The following CFAP57 variants were observed in gnomAD, a reference collection of about 807,000 sequenced individuals.
The protein encoded by CFAP57 is cilia and flagella associated protein 57.
Under a neutral mutation model 146.8 loss-of-function variants are expected in CFAP57, and 116 were observed. The observed-to-expected ratio is 0.79, with a 90% CI of 0.68 to 0.92. The LOEUF (loss-of-function observed/expected upper bound fraction) is 0.92, where lower values mean the gene tolerates loss of function less well. Among genes scored for constraint, CFAP57 ranks in the 40% least tolerant of loss-of-function variants. The pLI is 0.00. For synonymous variants in CFAP57, 518 were observed against 552.8 expected (o/e 0.94, Z 0.88); for missense variants, 1,377 against 1,527.2 (o/e 0.90, Z 1.64).
At position 43,224,128 on chromosome 1, in the gene CFAP57, T is replaced by G. The variant is rs1645153021; in HGVS notation, c.2789T>G (p.Val930Gly). The G allele has an allele frequency of 1.2e-5, 18 of 1,548,996 alleles. No individual in the cohort carries two copies. Among genetic ancestry groups the G allele is most frequent in the Non-Finnish European group, 1.6e-5 (18 of 1,146,396 alleles). The change falls in exon 17 of 23, where the codon GTC becomes GGC. Residue 930 changes from valine to glycine, a missense_variant. Transcript: ENST00000372492. The stretch of plus-strand genomic sequence containing the variant: ...GGAGAGCAGATGAAGCTGCAAGGAG[T>G]CATTAAGTCTCTGGAGAAGGACATC... ...LKGEQMKLQG[V>G]IKSLEKDIQG... is the part of the protein sequence containing the mutation.
At chr1:43,244,865 C>T (rs1172315200) in intron 22 of CFAP57, among the ~76,000 whole-genome samples, 4 of 151,854 alleles carry the variant, frequency 2.6e-5, no homozygotes, top group African/African-American at 4.8e-5. Context: ...ATTGCACTAC[C>T]GCACTCCAGC....
chr1:43,190,331 C>T (rs1432974028), intron 6 of CFAP57, among the ~76,000 whole-genome samples: 9 of 135,070 alleles, frequency 6.7e-5, no homozygotes, highest in South Asian at 2.5e-4. Context: ...AGGGCAGTGG[C>T]GCAATCTTGG....
chr1:43,172,701 C>A, intron 1 of CFAP57, 34 bp from the exon 2 acceptor site: 1 of 1,611,198 alleles, frequency 6.2e-7, no homozygotes, highest in Non-Finnish European at 8.5e-7. Context: ...GGGCGGTGCT[C>A]TCCACTCTGA....
rs982073931 is a variant in CFAP57, at chr1:43,222,435, T to C, written c.2532+140T>C. The C allele has an allele frequency of 2.8e-5, 20 of 716,304 alleles. No homozygotes were observed. In the East Asian group the frequency reaches 6.1e-4, roughly 22 times the overall value. The allele number at this position is 716,304 out of a possible 1,614,324, so 44.4% of individuals were successfully genotyped here. Reference sequence around the variant, plus strand: ...ATGGTTTCTACCCCCAAGGAACTTATATCAAATGGGAGAGACAGCCAAATA... The same window carrying C: ...ATGGTTTCTACCCCCAAGGAACTTACATCAAATGGGAGAGACAGCCAAATA... On this transcript the variant is annotated intron_variant, in intron 15 of 22. Transcript: ENST00000372492.
At position 43,185,277 on chromosome 1, in the gene CFAP57, G is replaced by A; in HGVS notation, c.890G>A (p.Cys297Tyr). The A allele has an allele frequency of 1.2e-6, 2 of 1,614,152 alleles. No individual in the cohort carries two copies. Among genetic ancestry groups the A allele is most frequent in the Non-Finnish European group, 1.7e-6 (2 of 1,180,042 alleles). The change falls in exon 5 of 23, where the codon TGT becomes TAT. Residue 297 changes from cysteine (C) to tyrosine (Y), a missense_variant. Transcript: ENST00000372492. ...AIAAYSKGFA[C>Y]SAGPGRVLLF... Reference sequence around the variant, plus strand: ...GCAGCCTATTCAAAGGGATTTGCCTGTTCTGCTGGGCCAGGGAGAGTTCTG... The same window carrying A: ...GCAGCCTATTCAAAGGGATTTGCCTATTCTGCTGGGCCAGGGAGAGTTCTG...
intron 21 of CFAP57, 112 bp downstream of exon 21, chr1:43,234,750 G>A: frequency 1.5e-6 from 2 of 1,305,292 alleles, no homozygotes; most frequent in Non-Finnish European, 2.0e-6. Flanking sequence ...GGTGTCTGGG[G>A]GCCCAGTAGC....
chr1:43,175,298 A>G lies in CFAP57; in HGVS notation c.157+2388A>G, dbSNP rs1645126204. On this transcript the variant is annotated intron_variant, in intron 2 of 22. Coordinates refer to ENST00000372492, the MANE Select transcript of CFAP57 (RefSeq NM_001378189.1). ...CACACCATATATACACACACCATAT[A>G]CTATATGTACATGTATATATACATA... Among the ~76,000 whole-genome samples, 5 of 152,064 alleles carry G rather than the reference A, an allele frequency of 3.3e-5. No individual in the cohort carries two copies. In the South Asian group the frequency reaches 1.0e-3, roughly 32 times the overall value.
At position 43,234,399 on chromosome 1, in the gene CFAP57, C is replaced by T; in HGVS notation, c.3247C>T (p.Gln1083Ter). 6.5e-7 allele frequency: 1 copy of T among 1,549,112 alleles called. No homozygotes were observed. The highest frequency in any genetic ancestry group is 8.7e-7 in the Non-Finnish European group (1 of 1,146,214). The change falls in exon 20 of 23, where the codon CAG becomes TAG. Residue 1083 changes from glutamine to a stop codon, truncating the protein, a stop_gained. Coordinates refer to ENST00000372492, the MANE Select transcript of CFAP57 (RefSeq NM_001378189.1). LOFTEE classifies it high-confidence loss of function. ...KVRGLFEKYV[Q>*]RADMVEIAGL... ...TCGAGGTCTCTTTGAGAAGTACGTG[C>T]AGCGAGCAGACATGGTAAGCTCAGC...
At chr1:43,248,055 C>T (rs1179317351) in intron 22 of CFAP57, among the ~76,000 whole-genome samples, 3 of 143,134 alleles carry the variant, frequency 2.1e-5, no homozygotes, top group Non-Finnish European at 3.0e-5. Flanking sequence ...AGGAGAATGG[C>T]GTGAACCCAG....
chr1:43,206,981 G>A, intron 10 of CFAP57, 49 bp downstream of exon 10: 2 of 1,586,042 alleles, frequency 1.3e-6, no homozygotes, highest in East Asian at 2.2e-5. Context: ...GATCTGCAGG[G>A]ACAGCTTCCC....
Position 43,226,976 on chromosome 1 carries a change from C to G in CFAP57, c.2866-7C>G. 6.6e-7 allele frequency: 1 copy of G among 1,504,350 alleles called. No individual in the cohort carries two copies. Among genetic ancestry groups the G allele is most frequent in the South Asian group, 1.4e-5 (1 of 73,952 alleles). The allele number at this position is 1,504,350 out of a possible 1,614,324, so 93.2% of individuals were successfully genotyped here. A position where few individuals can be genotyped will look rare whatever the true frequency, so the allele number is the denominator to read the frequency against. Reference sequence around the variant, plus strand: ...TATCTCTCACTTCTCTCTCATCTCACCCCCAGGAGAAGCGAATTTATGATC... The same window carrying G: ...TATCTCTCACTTCTCTCTCATCTCAGCCCCAGGAGAAGCGAATTTATGATC... On this transcript the variant is annotated splice_region_variant and splice_polypyrimidine_tract_variant and intron_variant, in intron 17 of 22. Coordinates refer to ENST00000372492, the MANE Select transcript of CFAP57 (RefSeq NM_001378189.1).
Position 43,181,770 on chromosome 1 carries a change from A to C in CFAP57, c.394A>C (p.Asn132His). ...LLAQTSPPES[N>H]LVYWLWEKQK... The stretch of plus-strand genomic sequence containing the variant: ...GGCTCAGACGTCACCTCCAGAGTCA[A>C]ATCTTGTCTACTGGCTGTGGGAAAA... Residue 132 changes from asparagine (N) to histidine (H), a missense_variant, in exon 3 of 23, where the codon AAT (asparagine) becomes CAT (histidine). Transcript: ENST00000372492. 6.2e-7 allele frequency: 1 copy of C among 1,614,226 alleles called. No homozygotes were observed. Among genetic ancestry groups the C allele is most frequent in the African/African-American group, 1.3e-5 (1 of 75,072 alleles).
Position 43,172,737 on chromosome 1 carries a change from CTG to C in CFAP57, c.-15_-14del, listed in dbSNP as rs771540666. 2.5e-6 allele frequency: 4 copies of C among 1,613,912 alleles called. No homozygotes were observed. Among genetic ancestry groups the C allele is most frequent in the Non-Finnish European group, 3.4e-6 (4 of 1,180,002 alleles). ...AGCGCTGCCTTGGTCTTCAGCAGAA[CTG>C]TTTGGCGGGAGATCATGTCAGCCGT... On this transcript the variant is annotated 5_prime_UTR_variant, in exon 2 of 23. Coordinates refer to ENST00000372492, the MANE Select transcript of CFAP57 (RefSeq NM_001378189.1).
intron 19 of CFAP57, among the ~76,000 whole-genome samples, 166 bp from the exon 20 acceptor site, chr1:43,234,113 G>C (rs1174984366): frequency 6.6e-6 from 1 of 152,128 alleles, no homozygotes; most frequent in Non-Finnish European, 1.5e-5. Flanking sequence ...CCTGTTGGCT[G>C]TGTGCCCGTC....
intron 11 of CFAP57, among the ~76,000 whole-genome samples, chr1:43,212,931 A>G (rs1423903626): frequency 2.1e-5 from 1 of 46,752 alleles, no homozygotes; most frequent in Non-Finnish European, 5.3e-5. Context: ...AGCAGACTCT[A>G]TCTCAAAAAA....
chr1:43,206,887 T>C lies in CFAP57; in HGVS notation c.1710T>C (p.Phe570=). ...TCTCCCCCGATGCCAAAATTATCTTTGCTGTTGGATCAGACCACACCCTCA... is the reference window on the plus strand; with the variant it reads ...TCTCCCCCGATGCCAAAATTATCTTCGCTGTTGGATCAGACCACACCCTCA... ...VTVSPDAKII[F]AVGSDHTLKE... is the part of the protein sequence containing the mutation. Residue 570 remains phenylalanine (F), a synonymous_variant, in exon 10 of 23, where the codon TTT becomes TTC. Coordinates refer to ENST00000372492, the MANE Select transcript of CFAP57 (RefSeq NM_001378189.1). The C allele has an allele frequency of 6.2e-7, 1 of 1,614,172 alleles. No individual in the cohort carries two copies. The highest frequency in any genetic ancestry group is 8.5e-7 in the Non-Finnish European group (1 of 1,180,032).
intron 9 of CFAP57, among the ~76,000 whole-genome samples, chr1:43,202,521 G>A (rs6692564): frequency 1.3e-5 from 2 of 151,722 alleles, no homozygotes; most frequent in South Asian, 2.1e-4. Context: ...AGTCACTCAC[G>A]CCTGTAATCT....
At chr1:43,225,730 C>T (rs1645220000) in intron 17 of CFAP57, among the ~76,000 whole-genome samples, 1 of 152,222 alleles carries the variant, frequency 6.6e-6, no homozygotes, top group African/African-American at 2.4e-5. Context: ...TCTTTCCCAA[C>T]TAGTGTTTTC....
At chr1:43,194,428 CTT>C (rs1486206325) in intron 6 of CFAP57, among the ~76,000 whole-genome samples, 1 of 152,028 alleles carries the variant, frequency 6.6e-6, no homozygotes, top group Non-Finnish European at 1.5e-5. Context: ...TTGTGGAACT[CTT>C]TGTGTTTTTC....
Sources: gnomAD v4.1 joint callset for allele counts (sites outside exome capture counted in the v4.1 genomes callset) on GRCh38, gnomAD v4.1.1 for gene constraint, MANE v1.5 for transcripts, NCBI Gene and HGNC (gene_info 2026-07-23, HGNC 2026-07-21) for gene names.